The following LAMA3 variants were observed in gnomAD, a reference collection of about 807,000 sequenced individuals.
LAMA3 encodes laminin subunit alpha 3.
LAMA3 carries 281 observed loss-of-function variants against 402.0 expected under a neutral mutation model. The observed-to-expected ratio is 0.70, with a 90% CI of 0.63 to 0.77. The LOEUF (loss-of-function observed/expected upper bound fraction) is 0.77, where lower values mean the gene tolerates loss of function less well. Among genes scored for constraint, LAMA3 ranks in the 30% least tolerant of loss-of-function variants. The pLI, the probability that LAMA3 is intolerant of heterozygous loss-of-function variation, is 0.00. For synonymous variants in LAMA3, 1,431 were observed against 1,558.4 expected (o/e 0.92, Z 1.93); for missense variants, 3,840 against 4,215.5 (o/e 0.91, Z 2.47).
intron 10 of LAMA3, 32 bp downstream of exon 10, chr18:23,775,955 C>A (rs768976255): frequency 3.7e-6 from 6 of 1,613,716 alleles, no homozygotes; most frequent in South Asian, 1.1e-5. Context: ...AGAGGCCACC[C>A]TTTTTGGTCC....
At chr18:23,903,570 A>G (rs1254593803) in intron 49 of LAMA3, among the ~76,000 whole-genome samples, 1 of 152,194 alleles carries the variant, frequency 6.6e-6, no homozygotes, top group Non-Finnish European at 1.5e-5. Context: ...TTAGTTACAT[A>G]TGTATACATG....
At position 23,861,803 on chromosome 18, in the gene LAMA3, A is replaced by G; in HGVS notation, c.4580A>G (p.Asp1527Gly). The G allele has an allele frequency of 6.2e-7, 1 of 1,612,408 alleles. No individual in the cohort carries two copies. Among genetic ancestry groups the G allele is most frequent in the Non-Finnish European group, 8.5e-7 (1 of 1,179,186 alleles). ...GTCGCACCCACCTCCTACCTGGGGG[A>G]CAAGGTAATGATGTCCTGCTGTTCT... ...SWVAPTSYLG[D>G]KVSSYGGYLT... The change falls in exon 35 of 75, where the codon GAC becomes GGC. Residue 1527 changes from aspartate to glycine, a missense_variant. Coordinates refer to ENST00000313654, the MANE Select transcript of LAMA3 (RefSeq NM_198129.4).
In LAMA3 at chr18:23,717,719, A is replaced by ATTTTTTTTTTTTTTTTTTTTTTTTTTTT. The variant is rs1568109215; in HGVS notation, c.447+3647_447+3648insTTTTTTTTTTTTTTTTTTTTTTTTTTTT. Among the ~76,000 whole-genome samples the ATTTTTTTTTTTTTTTTTTTTTTTTTTTT allele has an allele frequency of 3.4e-5, 4 of 116,806 alleles. 2 individuals carry two copies. The highest frequency in any genetic ancestry group is 1.6e-4 in the African/African-American group (4 of 25,646). The allele number at this position is 116,806 out of a possible 152,430, so 76.6% of individuals were successfully genotyped here. On this transcript the variant is annotated intron_variant, in intron 2 of 74. Transcript: ENST00000313654. ...AGGTGCCCACCACCATGCCTGGCTA[A>ATTTTTTTTTTTTTTTTTTTTTTTTTTTT]ATTTTTTTTTTTTTTTTTTTTTTTT...
intron 47 of LAMA3, among the ~76,000 whole-genome samples, chr18:23,900,484 T>C (rs2081035626): frequency 6.6e-6 from 1 of 152,214 alleles, no homozygotes; most frequent in Non-Finnish European, 1.5e-5. Flanking sequence ...TTTTGAAGCA[T>C]TTCAGATTTT....
At chr18:23,757,819 A>G (rs1427561830) in intron 6 of LAMA3, among the ~76,000 whole-genome samples, 1 of 152,250 alleles carries the variant, frequency 6.6e-6, no homozygotes, top group African/African-American at 2.4e-5. Flanking sequence ...TTTTGAAATG[A>G]GACTTTTAAC....
chr18:23,702,383 T>G (rs2060806774), intron 1 of LAMA3, among the ~76,000 whole-genome samples: 2 of 152,088 alleles, frequency 1.3e-5, no homozygotes, highest in South Asian at 4.2e-4. Flanking sequence ...CAGGCTGGAG[T>G]GTAGTGATGT....
At position 23,695,479 on chromosome 18, in the gene LAMA3, T is replaced by A. The variant is rs115875340; in HGVS notation, c.294+5502T>A. Among the ~76,000 whole-genome samples, 1,084 of 152,094 alleles carry A rather than the reference T, an allele frequency of 7.1e-3. 9 individuals carry two copies. The highest frequency in any genetic ancestry group is 0.025 in the African/African-American group (1,017 of 41,474). Reference sequence around the variant, plus strand: ...CTCAAAATGTGGCCCCTAAAAAGAATGAGAAGAGCTCTAGGCTGAACAAAT... The same window carrying A: ...CTCAAAATGTGGCCCCTAAAAAGAAAGAGAAGAGCTCTAGGCTGAACAAAT... On this transcript the variant is annotated intron_variant, in intron 1 of 74. Transcript: ENST00000313654.
chr18:23,931,222 G>C, intron 65 of LAMA3, 21 bp downstream of exon 65: 1 of 1,605,402 alleles, frequency 6.2e-7, no homozygotes, highest in Non-Finnish European at 8.5e-7. Flanking sequence ...TAATACTTCT[G>C]TCAGAGCTGT....
chr18:23,838,802 A>G lies in LAMA3; in HGVS notation c.3115A>G (p.Ile1039Val), dbSNP rs763641132. 1.2e-6 allele frequency: 2 copies of G among 1,608,156 alleles called. No individual in the cohort carries two copies. The highest frequency in any genetic ancestry group is 1.7e-5 in the Admixed American group (1 of 60,000). Residue 1039 changes from isoleucine to valine, a missense_variant, in exon 26 of 75, where the codon ATT becomes GTT. Ile to Val is a conservative substitution (Grantham distance 29). Transcript: ENST00000313654. The stretch of plus-strand genomic sequence containing the variant: ...CTAGCATCAAGTTTGTATCATACCT[A>G]TTGAAGAATTCTCAGCTGAGTATGT... ...FLLHQVCIIP[I>V]EEFSAEYVRP...
intron 46 of LAMA3, 98 bp downstream of exon 46, chr18:23,899,163 G>T (rs537297119): frequency 1.3e-5 from 17 of 1,280,766 alleles, no homozygotes; most frequent in Non-Finnish European, 1.7e-5. Context: ...ATTATGAAAA[G>T]AATCCCATAG....
intron 10 of LAMA3, among the ~76,000 whole-genome samples, chr18:23,776,609 C>T (rs951659575): frequency 6.6e-6 from 1 of 152,150 alleles, no homozygotes; most frequent in South Asian, 2.1e-4. Flanking sequence ...CCCCACCCTC[C>T]TGACTCCTGC....
chr18:23,851,672 A>G (rs1221785294), intron 32 of LAMA3, among the ~76,000 whole-genome samples: 1 of 152,154 alleles, frequency 6.6e-6, no homozygotes, highest in Admixed American at 6.5e-5. Context: ...TCCTGGCTTC[A>G]GCCACCCTCA....
At chr18:23,710,873 A>G (rs912606123) in intron 1 of LAMA3, among the ~76,000 whole-genome samples, 1 of 152,188 alleles carries the variant, frequency 6.6e-6, no homozygotes, top group Non-Finnish European at 1.5e-5. Context: ...TTTAAAGTCA[A>G]TGTTTACACT....
At chr18:23,763,762 G>T (rs937214612) in intron 8 of LAMA3, among the ~76,000 whole-genome samples, 1 of 152,134 alleles carries the variant, frequency 6.6e-6, no homozygotes, top group Non-Finnish European at 1.5e-5. Flanking sequence ...TTTAAATTTT[G>T]CCTAAATGGA....
chr18:23,859,802 G>A (rs1295896405), intron 34 of LAMA3, among the ~76,000 whole-genome samples: 1 of 152,124 alleles, frequency 6.6e-6, no homozygotes, highest in Non-Finnish European at 1.5e-5. Context: ...ATTAGCTATT[G>A]ATAATTAACT....
At chr18:23,898,156 T>G (rs1420354817) in intron 44 of LAMA3, 1 of 154,766 alleles carries the variant, frequency 6.5e-6, no homozygotes, top group Non-Finnish European at 1.4e-5. Flanking sequence ...ATGAGGCAAT[T>G]TAGCCTAAAA....
intron 62 of LAMA3, among the ~76,000 whole-genome samples, chr18:23,927,786 A>G (rs748072424): frequency 2.0e-5 from 3 of 151,970 alleles, no homozygotes; most frequent in Non-Finnish European, 4.4e-5. Context: ...TACATGTCCT[A>G]TCCACCTGCA....
At chr18:23,930,539 G>A (rs899770584) in intron 64 of LAMA3, among the ~76,000 whole-genome samples, 6 of 152,124 alleles carry the variant, frequency 3.9e-5, no homozygotes, top group Non-Finnish European at 8.8e-5. Flanking sequence ...CTTGAGCCCA[G>A]GGGTCTGAGA....
In LAMA3 at chr18:23,844,989, T is replaced by C. The variant is rs1235605379; in HGVS notation, c.3604-20T>C. On this transcript the variant is annotated intron_variant, in intron 29 of 74. Coordinates refer to ENST00000313654, the MANE Select transcript of LAMA3 (RefSeq NM_198129.4). ...TGTCATCATTGGAAATTCTAAGACA[T>C]GCTGGTGGATTTCTTTCAGGTCCGT... 7.5e-7 allele frequency: 1 copy of C among 1,325,624 alleles called. No individual in the cohort carries two copies. Among genetic ancestry groups the C allele is most frequent in the African/African-American group, 1.4e-5 (1 of 69,202 alleles). 82.1% of individuals were successfully genotyped at this position (1,325,624 alleles called of 1,614,324 possible). A position where few individuals can be genotyped will look rare whatever the true frequency, so the allele number is the denominator to read the frequency against.
Sources: allele counts gnomAD v4.1 joint callset (sites outside exome capture counted in the v4.1 genomes callset), GRCh38; gene constraint gnomAD v4.1.1; transcripts MANE v1.5; gene names NCBI Gene and HGNC (gene_info 2026-07-23, HGNC 2026-07-21).